Variants in EYA4 observed in about 807,000 individuals in gnomAD.
EYA4 encodes the protein EYA transcriptional coactivator and phosphatase 4.
EYA4 carries 31 observed loss-of-function variants against 87.9 expected under a neutral mutation model. The ratio of observed to expected loss-of-function variants is 0.35; its 90% CI spans 0.27 to 0.48. The LOEUF is 0.48. Among genes scored for constraint, EYA4 ranks in the 20% least tolerant of loss-of-function variants. EYA4 has a pLI of 0.99. For missense variants in EYA4, 678 were observed against 761.4 expected (o/e 0.89, Z 1.29); for synonymous variants, 263 against 270.6 (o/e 0.97, Z 0.28).
intron 3 of EYA4, among the ~76,000 whole-genome samples, chr6:133,427,522 G>C (rs1465311474): frequency 1.3e-5 from 2 of 152,108 alleles, no homozygotes; most frequent in East Asian, 3.9e-4. Context: ...ATTTTGACAG[G>C]GGTAAGGCCA....
chr6:133,425,973 G>A (rs76054319), intron 3 of EYA4, among the ~76,000 whole-genome samples: 1,721 of 151,040 alleles, frequency 0.011, 38 homozygotes, highest in Non-Finnish European at 0.016. Context: ...TTGCAGGAAC[G>A]TGAACACACG....
chr6:133,327,283 G>T (rs1781572843), intron 2 of EYA4, among the ~76,000 whole-genome samples: 1 of 151,888 alleles, frequency 6.6e-6, no homozygotes, highest in Non-Finnish European at 1.5e-5. Context: ...GATTACAGGT[G>T]CCCGCCGCCA....
intron 2 of EYA4, among the ~76,000 whole-genome samples, chr6:133,299,981 C>T (rs2128312496): frequency 6.7e-6 from 1 of 148,584 alleles, no homozygotes; most frequent in East Asian, 1.9e-4. Context: ...CTTTTGACTA[C>T]CCCACAACCC....
At chr6:133,272,017 A>G (rs1012377618) in intron 1 of EYA4, among the ~76,000 whole-genome samples, 1 of 152,068 alleles carries the variant, frequency 6.6e-6, no homozygotes, top group Admixed American at 6.5e-5. Context: ...CCAGCCAAAA[A>G]CCATTGGCTA....
chr6:133,324,605 T>C (rs753798987), intron 2 of EYA4, among the ~76,000 whole-genome samples: 3 of 152,140 alleles, frequency 2.0e-5, no homozygotes, highest in Non-Finnish European at 4.4e-5. Context: ...TATTCTATTA[T>C]GTGTCTGAAA....
At chr6:133,353,217 T>C (rs190743946) in intron 2 of EYA4, among the ~76,000 whole-genome samples, 1 of 152,270 alleles carries the variant, frequency 6.6e-6, no homozygotes, top group East Asian at 1.9e-4. Flanking sequence ...CATAAGTTTC[T>C]CAATTATCTA....
At position 133,483,012 on chromosome 6, in the gene EYA4, T is replaced by C; in HGVS notation, c.1108-20T>C. ...TTCCTTGGACTTTTTAATTTTCTGATATTTATTTTTTGTCTTCAGCGTGTG... is the reference window on the plus strand; with the variant it reads ...TTCCTTGGACTTTTTAATTTTCTGACATTTATTTTTTGTCTTCAGCGTGTG... On this transcript the variant is annotated intron_variant, in intron 12 of 19. Transcript: ENST00000355286. 1.3e-6 allele frequency: 2 copies of C among 1,599,114 alleles called. No homozygotes were observed. Among genetic ancestry groups the C allele is most frequent in the Non-Finnish European group, 1.7e-6 (2 of 1,166,952 alleles).
chr6:133,292,682 A>G (rs1402053848), intron 2 of EYA4, among the ~76,000 whole-genome samples: 1 of 152,212 alleles, frequency 6.6e-6, no homozygotes, highest in African/African-American at 2.4e-5. Flanking sequence ...ATCTAAAAGG[A>G]AAATTTTTGT....
At chr6:133,505,935 C>A in intron 13 of EYA4, 171 bp from the exon 14 acceptor site, 1 of 612,106 alleles carries the variant, frequency 1.6e-6, no homozygotes. Flanking sequence ...TTTGGTATGT[C>A]TGAACCTTCT....
intron 3 of EYA4, among the ~76,000 whole-genome samples, chr6:133,384,658 T>G (rs1786540424): frequency 6.6e-6 from 1 of 152,144 alleles, no homozygotes; most frequent in Non-Finnish European, 1.5e-5. Flanking sequence ...GGTACAATGG[T>G]CAATCTCCAC....
chr6:133,308,656 A>G (rs9399059), intron 2 of EYA4, among the ~76,000 whole-genome samples: 36,043 of 152,050 alleles, frequency 0.24, 5,181 homozygotes, highest in East Asian at 0.48. Flanking sequence ...TACTTATGAG[A>G]TGCGGTATTT....
At chr6:133,303,283 G>T (rs2128317698) in intron 2 of EYA4, among the ~76,000 whole-genome samples, 1 of 152,296 alleles carries the variant, frequency 6.6e-6, no homozygotes, top group South Asian at 2.1e-4. Flanking sequence ...GGTAGGACTA[G>T]ATACATTAAT....
At chr6:133,400,937 G>A (rs966859753) in intron 3 of EYA4, among the ~76,000 whole-genome samples, 3 of 152,040 alleles carry the variant, frequency 2.0e-5, no homozygotes, top group African/African-American at 4.8e-5. Flanking sequence ...ATGAGACTGG[G>A]GACACAGCTC....
At chr6:133,523,801 C>T (rs1317583782) in intron 18 of EYA4, among the ~76,000 whole-genome samples, 1 of 152,024 alleles carries the variant, frequency 6.6e-6, no homozygotes, top group African/African-American at 2.4e-5. Context: ...AAAAGCAAAA[C>T]TTCATCAACT....
At chr6:133,485,016 G>T (rs529283927) in intron 13 of EYA4, among the ~76,000 whole-genome samples, 2 of 152,274 alleles carry the variant, frequency 1.3e-5, no homozygotes, top group East Asian at 3.9e-4. Flanking sequence ...AACTGTCACT[G>T]TATATATTTG....
intron 18 of EYA4, among the ~76,000 whole-genome samples, chr6:133,524,095 A>G (rs1800420630): frequency 6.6e-6 from 1 of 152,152 alleles, no homozygotes; most frequent in Non-Finnish European, 1.5e-5. Flanking sequence ...TCACATTGTC[A>G]TAAGCACTAC....
In EYA4 at chr6:133,364,494, G is replaced by A. The variant is rs529170860; in HGVS notation, c.34-17898G>A. Among the ~76,000 whole-genome samples the A allele has an allele frequency of 1.2e-3, 178 of 152,272 alleles. 2 individuals are homozygous for A. The highest frequency in any genetic ancestry group is 4.0e-3 in the African/African-American group (167 of 41,546). On this transcript the variant is annotated intron_variant, in intron 2 of 19. Coordinates refer to ENST00000355286, the MANE Select transcript of EYA4 (RefSeq NM_004100.5). ...AGGACTTCTGATATCGAGGTGACTGGCATCACAGACTTGGGGCTCCTGCCA... is the reference window on the plus strand; with the variant it reads ...AGGACTTCTGATATCGAGGTGACTGACATCACAGACTTGGGGCTCCTGCCA...
At chr6:133,398,659 G>C (rs143642492) in intron 3 of EYA4, among the ~76,000 whole-genome samples, 63 of 152,260 alleles carry the variant, frequency 4.1e-4, no homozygotes, top group African/African-American at 1.3e-3. Flanking sequence ...GCTATGGAAG[G>C]CTTGCTTAAA....
chr6:133,388,163 T>C (rs2128490514), intron 3 of EYA4, among the ~76,000 whole-genome samples: 1 of 152,108 alleles, frequency 6.6e-6, no homozygotes, highest in South Asian at 2.1e-4. Flanking sequence ...ACCCAGCACT[T>C]TGGGAGGCTG....
Sources: gnomAD v4.1 joint callset for allele counts (sites outside exome capture counted in the v4.1 genomes callset) on GRCh38, gnomAD v4.1.1 for gene constraint, MANE v1.5 for transcripts, NCBI Gene and HGNC (gene_info 2026-07-23, HGNC 2026-07-21) for gene names.